The following FSHR variants were observed in gnomAD, a reference collection of about 807,000 sequenced individuals.
FSHR encodes the protein follicle stimulating hormone receptor.
Under a neutral mutation model 52.1 loss-of-function variants are expected in FSHR, and 46 were observed. That is an observed-to-expected ratio of 0.88 (90% CI 0.70 to 1.13). The LOEUF (loss-of-function observed/expected upper bound fraction) is 1.13. FSHR is among the 50% of genes most tolerant of loss of function. The probability of loss-of-function intolerance (pLI) is 0.00; values close to 1 mark genes in which losing one functional copy is unlikely to be tolerated. For synonymous variants in FSHR, 399 were observed against 309.6 expected, an observed-to-expected ratio of 1.29 and a Z score of -3.03; for missense variants, 964 against 834.6, an observed-to-expected ratio of 1.16 and a Z score of -1.91.
chr2:48,964,636 A>G (rs2103995899), intron 9 of FSHR, among the ~76,000 whole-genome samples: 2 of 152,276 alleles, frequency 1.3e-5, no homozygotes, highest in Admixed American at 1.3e-4. Context: ...CTCATATTGA[A>G]CAGTTTCCTA....
chr2:48,968,623 C>G lies in FSHR; in HGVS notation c.854+75G>C, dbSNP rs924505213. The stretch of plus-strand genomic sequence containing the variant: ...CTCTGCAAGTAGATTCTCTTCATGT[C>G]ACAGATAGGTAGAAATTGTGGACAA... On this transcript the variant is annotated intron_variant, in intron 9 of 9. Transcript: ENST00000406846. The G allele has an allele frequency of 2.6e-6, 4 of 1,538,712 alleles. No individual in the cohort carries two copies. The Admixed American group carries it at 6.7e-5, about 26-fold the overall frequency.
intron 8 of FSHR, among the ~76,000 whole-genome samples, chr2:48,980,673 A>G (rs1050482459): frequency 3.9e-5 from 6 of 152,156 alleles, no homozygotes; most frequent in African/African-American, 1.4e-4. Context: ...TAACTTTTAG[A>G]TGTTCAATTA....
chr2:49,094,506 T>A (rs62162105), intron 1 of FSHR, among the ~76,000 whole-genome samples: 35,477 of 152,084 alleles, frequency 0.23, 4,189 homozygotes, highest in Middle Eastern at 0.32. Flanking sequence ...AAATTATTAG[T>A]TTTCATTATT....
At chr2:49,059,647 T>A (rs1669208583) in intron 2 of FSHR, 1 of 152,570 alleles carries the variant, frequency 6.6e-6, no homozygotes, top group South Asian at 2.1e-4. Flanking sequence ...TGGCAAAAAC[T>A]GCAATTACTT....
rs13411763 is a variant in FSHR at position 49,124,465 on chromosome 2, C to T, written c.152+29801G>A. On this transcript the variant is annotated intron_variant, in intron 1 of 9. Coordinates refer to ENST00000406846, the MANE Select transcript of FSHR (RefSeq NM_000145.4). ...TTTAAAAGTATAAAGAGCTGTCTTT[C>T]CTAGTTTTACGCCTATCTCATGATC... Among the ~76,000 whole-genome samples the T allele has an allele frequency of 5.5e-3, 844 of 152,248 alleles. 10 individuals are homozygous for T. Among genetic ancestry groups the T allele is most frequent in the African/African-American group, 0.019 (807 of 41,548 alleles).
intron 1 of FSHR, among the ~76,000 whole-genome samples, chr2:49,140,318 C>G (rs1348413773): frequency 6.6e-6 from 1 of 151,888 alleles, no homozygotes; most frequent in Non-Finnish European, 1.5e-5. Flanking sequence ...GCACCACCCC[C>G]CACCCATTCT....
At chr2:49,044,189 T>G (rs1668576729) in intron 2 of FSHR, among the ~76,000 whole-genome samples, 1 of 152,206 alleles carries the variant, frequency 6.6e-6, no homozygotes, top group African/African-American at 2.4e-5. Context: ...TAGGAGCTAC[T>G]AGTAAGAATG....
rs558951206 is a variant in FSHR, at chr2:49,049,430, C to T, written c.224+18789G>A. ...AGTAACCTCTGTCATATCTTAGCAC[C>T]TGGAAGTCTTAGTTGCTCAATGAGA... On this transcript the variant is annotated intron_variant, in intron 2 of 9. Coordinates refer to ENST00000406846, the MANE Select transcript of FSHR (RefSeq NM_000145.4). Among the ~76,000 whole-genome samples the T allele has an allele frequency of 1.1e-4, 17 of 152,116 alleles. No homozygotes were observed. In the South Asian group the frequency reaches 3.5e-3, roughly 32 times the overall value.
chr2:48,985,244 C>T (rs572901754), intron 6 of FSHR, among the ~76,000 whole-genome samples: 32 of 152,268 alleles, frequency 2.1e-4, no homozygotes, highest in Non-Finnish European at 4.4e-4. Context: ...TCAGCAGAGG[C>T]TCAGGAAGCT....
chr2:49,127,876 TCTTCTTCTTCTTCTTCTTCTTC>T (rs1558456987), intron 1 of FSHR, among the ~76,000 whole-genome samples: 554 of 48,898 alleles, frequency 0.011, 78 homozygotes, highest in African/African-American at 0.071. Flanking sequence ...TTCTTCTTCT[TCTTCTTCTTCTTCTTCTTCTTC>T]TTTTTTTTTT....
chr2:49,055,226 C>A (rs915236807), intron 2 of FSHR, among the ~76,000 whole-genome samples: 1 of 151,240 alleles, frequency 6.6e-6, no homozygotes, highest in Admixed American at 6.6e-5. Context: ...CTTAAAAAAT[C>A]AATTAATAAA....
At chr2:49,063,797 A>G (rs901693060) in intron 2 of FSHR, among the ~76,000 whole-genome samples, 2 of 152,124 alleles carry the variant, frequency 1.3e-5, no homozygotes, top group Non-Finnish European at 2.9e-5. Context: ...TTTGCTGTGT[A>G]TTTTCAAATA....
rs1414906586 is a variant in FSHR at position 48,963,826 on chromosome 2, T to A, written c.995A>T (p.Glu332Val). ...TTCATTGCATAAGTCATAGTCAAAC[T>A]CAGTGTACGTCATGTCAAATCCTCT... Reference protein sequence around the residue: ...YSRGFDMTYTEFDYDLCNEVV... With the variant: ...YSRGFDMTYTVFDYDLCNEVV... Residue 332 changes from glutamate to valine, a missense_variant, in exon 10 of 10, where the codon GAG (glutamate) becomes GTG (valine). By Grantham distance (121) the Glu-to-Val change is moderately radical. Coordinates refer to ENST00000406846, the MANE Select transcript of FSHR (RefSeq NM_000145.4). 1 of 1,614,136 alleles carries A rather than the reference T, an allele frequency of 6.2e-7. No homozygotes were observed. Among genetic ancestry groups the A allele is most frequent in the Non-Finnish European group, 8.5e-7 (1 of 1,180,006 alleles).
intron 1 of FSHR, among the ~76,000 whole-genome samples, chr2:49,091,709 T>C (rs1670618461): frequency 6.6e-6 from 1 of 152,262 alleles, no homozygotes; most frequent in Non-Finnish European, 1.5e-5. Flanking sequence ...TATAATTTTG[T>C]GGGTCTGTTC....
intron 2 of FSHR, among the ~76,000 whole-genome samples, chr2:49,061,224 T>G (rs1669275418): frequency 6.6e-6 from 1 of 152,036 alleles, no homozygotes; most frequent in Non-Finnish European, 1.5e-5. Context: ...CCAGGTGCCA[T>G]AACAGGTATG....
chr2:48,972,439 T>C (rs1674783074), intron 8 of FSHR, among the ~76,000 whole-genome samples: 1 of 152,216 alleles, frequency 6.6e-6, no homozygotes, highest in Non-Finnish European at 1.5e-5. Flanking sequence ...TGATGAATCT[T>C]TGATCTCTGC....
chr2:48,971,173 A>T (rs1459163455), intron 8 of FSHR, among the ~76,000 whole-genome samples: 1 of 152,282 alleles, frequency 6.6e-6, no homozygotes, highest in African/African-American at 2.4e-5. Context: ...CATCCATGTT[A>T]TGCCCTTCTC....
chr2:49,064,988 A>G (rs1367800869), intron 2 of FSHR, among the ~76,000 whole-genome samples: 1 of 152,084 alleles, frequency 6.6e-6, no homozygotes, highest in African/African-American at 2.4e-5. Context: ...TATTTTGTTC[A>G]TTTGTTTATT....
intron 8 of FSHR, among the ~76,000 whole-genome samples, chr2:48,969,258 C>T (rs1311522455): frequency 6.6e-6 from 1 of 152,146 alleles, no homozygotes. Flanking sequence ...TTTGTCTGTA[C>T]CATAAAACTA....
Sources: gnomAD v4.1 joint callset for allele counts (sites outside exome capture counted in the v4.1 genomes callset) on GRCh38, gnomAD v4.1.1 for gene constraint, MANE v1.5 for transcripts, NCBI Gene and HGNC (gene_info 2026-07-23, HGNC 2026-07-21) for gene names.